The following VAV3 variants were observed in gnomAD, a reference collection of about 807,000 sequenced individuals.
VAV3 encodes the protein vav guanine nucleotide exchange factor 3.
Under a neutral mutation model 131.2 loss-of-function variants are expected in VAV3, and 94 were observed. The ratio of observed to expected loss-of-function variants is 0.72; its 90% CI spans 0.61 to 0.85. The LOEUF (loss-of-function observed/expected upper bound fraction) is 0.85, where lower values mean the gene tolerates loss of function less well. Ranked by LOEUF, VAV3 falls within the 40% of genes least tolerant of loss-of-function variation. The pLI, the probability that VAV3 is intolerant of heterozygous loss-of-function variation, is 0.00. For missense variants in VAV3, 939 were observed against 1,002.7 expected, an observed-to-expected ratio of 0.94 and a Z score of 0.86; for synonymous variants, 349 against 342.0, an observed-to-expected ratio of 1.02 and a Z score of -0.22.
rs1456327538 is a variant in VAV3, at chr1:107,571,390, G to A, written c.*1941C>T. 1 of 152,540 alleles carries A rather than the reference G, an allele frequency of 6.6e-6. No individual in the cohort carries two copies. Among genetic ancestry groups the A allele is most frequent in the Non-Finnish European group, 1.5e-5 (1 of 68,022 alleles). 9.4% of individuals were successfully genotyped at this position (152,540 alleles called of 1,614,324 possible). A position where few individuals can be genotyped will look rare whatever the true frequency, so the allele number is the denominator to read the frequency against. ...GATGTAATTGGTAATGTCACAAAAAGGGGCTCCAATATCCTCTGCTAGGAA... is the reference window on the plus strand; with the variant it reads ...GATGTAATTGGTAATGTCACAAAAAAGGGCTCCAATATCCTCTGCTAGGAA... On this transcript the variant is annotated 3_prime_UTR_variant, in exon 27 of 27. Coordinates refer to ENST00000370056, the MANE Select transcript of VAV3 (RefSeq NM_006113.5).
rs559141881 is a variant in VAV3 at position 107,964,908 on chromosome 1, G to A, written c.-39C>T. 4 of 1,288,198 alleles carry A rather than the reference G, an allele frequency of 3.1e-6. No individual in the cohort carries two copies. Among genetic ancestry groups the A allele is most frequent in the Admixed American group, 7.7e-5 (2 of 26,020 alleles). 79.8% of individuals were successfully genotyped at this position (1,288,198 alleles called of 1,614,324 possible). ...GGGACGCGGCTGGGCCGGGGCGGGC[G>A]GCAAGGATGCGGCCGCCGCCGCCGC... is the stretch of plus-strand genomic sequence containing the variant. On this transcript the variant is annotated 5_prime_UTR_variant, in exon 1 of 27. Coordinates refer to ENST00000370056, the MANE Select transcript of VAV3 (RefSeq NM_006113.5).
At chr1:107,895,784 TTAG>T (rs1671541470) in intron 1 of VAV3, among the ~76,000 whole-genome samples, 4 of 152,282 alleles carry the variant, frequency 2.6e-5, no homozygotes, top group South Asian at 2.1e-4. Flanking sequence ...CAAAAATGAA[TTAG>T]TTATAAATTT....
intron 18 of VAV3, among the ~76,000 whole-genome samples, chr1:107,687,175 A>C (rs1475579472): frequency 3.3e-5 from 5 of 152,148 alleles, no homozygotes; most frequent in Non-Finnish European, 7.4e-5. Context: ...CTATTAAAAA[A>C]ATCACCTTGT....
At chr1:107,664,378 T>C (rs1299004459) in intron 19 of VAV3, among the ~76,000 whole-genome samples, 2 of 152,052 alleles carry the variant, frequency 1.3e-5, no homozygotes, top group African/African-American at 4.8e-5. Context: ...CAGTGTGTGT[T>C]GTTCCTCGCC....
intron 15 of VAV3, among the ~76,000 whole-genome samples, chr1:107,740,214 G>T (rs946259804): frequency 2.0e-5 from 3 of 151,908 alleles, no homozygotes; most frequent in African/African-American, 7.3e-5. Flanking sequence ...TTGAACCCAG[G>T]AGGTGGAGGT....
chr1:107,629,209 C>G (rs1199806996), intron 20 of VAV3, among the ~76,000 whole-genome samples: 1 of 152,132 alleles, frequency 6.6e-6, no homozygotes, highest in Non-Finnish European at 1.5e-5. Flanking sequence ...AAGAAGAAAA[C>G]ACATATTTCT....
intron 7 of VAV3, among the ~76,000 whole-genome samples, chr1:107,767,097 T>A (rs950287649): frequency 3.3e-5 from 5 of 152,230 alleles, no homozygotes; most frequent in Admixed American, 2.0e-4. Context: ...TGTAAATTTG[T>A]ACTTTGGTCA....
At chr1:107,958,047 A>G (rs1049940188) in intron 1 of VAV3, among the ~76,000 whole-genome samples, 1 of 152,200 alleles carries the variant, frequency 6.6e-6, no homozygotes, top group Admixed American at 6.5e-5. Flanking sequence ...TAAGATGCCT[A>G]AAGATGCCAC....
intron 17 of VAV3, among the ~76,000 whole-genome samples, chr1:107,691,212 AAACCCAACTGC>A (rs1387155241): frequency 6.6e-6 from 1 of 152,216 alleles, no homozygotes; most frequent in Admixed American, 6.5e-5. Context: ...AGAGAAAGGA[AAACCCAACTGC>A]AACACTGAAA....
intron 2 of VAV3, among the ~76,000 whole-genome samples, chr1:107,790,306 G>T (rs1157207485): frequency 1.3e-5 from 2 of 152,170 alleles, no homozygotes; most frequent in African/African-American, 4.8e-5. Flanking sequence ...CAACCCAATG[G>T]TCACCCACCT....
chr1:107,753,523 T>C lies in VAV3; in HGVS notation c.1173+1904A>G, dbSNP rs796668725. On this transcript the variant is annotated intron_variant, in intron 12 of 26. Transcript: ENST00000370056. ...ACATATATATACACACATATATATA[T>C]ATACGTATATATATATATATATATA... Among the ~76,000 whole-genome samples, 222 of 69,168 alleles carry C rather than the reference T, an allele frequency of 3.2e-3. 3 individuals are homozygous for C. Among genetic ancestry groups the C allele is most frequent in the African/African-American group, 0.011 (203 of 18,940 alleles). 45.4% of individuals were successfully genotyped at this position (69,168 alleles called of 152,430 possible).
intron 2 of VAV3, among the ~76,000 whole-genome samples, chr1:107,874,442 T>C (rs1670392603): frequency 1.3e-5 from 2 of 152,112 alleles, no homozygotes; most frequent in East Asian, 3.9e-4. Flanking sequence ...AGTATCAAAA[T>C]AGAGAAAAGG....
intron 9 of VAV3, among the ~76,000 whole-genome samples, chr1:107,763,507 T>C (rs1299941345): frequency 6.6e-6 from 1 of 152,218 alleles, no homozygotes; most frequent in South Asian, 2.1e-4. Flanking sequence ...TACTAGGAAG[T>C]AGGTGTATAA....
chr1:107,943,429 C>T (rs1003554532), intron 1 of VAV3, among the ~76,000 whole-genome samples: 10 of 152,168 alleles, frequency 6.6e-5, no homozygotes, highest in African/African-American at 2.4e-4. Context: ...TTATCATTTC[C>T]TTGGCTTGTC....
intron 4 of VAV3, 117 bp from the exon 5 acceptor site, chr1:107,772,960 G>A (rs1665138712): frequency 1.2e-6 from 1 of 847,442 alleles, no homozygotes; most frequent in Admixed American, 2.7e-5. Flanking sequence ...GGAATTAGTG[G>A]AAAGAGTTCA....
chr1:107,740,480 C>T (rs1341131273), intron 15 of VAV3, among the ~76,000 whole-genome samples: 1 of 151,826 alleles, frequency 6.6e-6, no homozygotes, highest in East Asian at 1.9e-4. Context: ...TTCAATTAGA[C>T]AGTAAAATAA....
chr1:107,649,505 C>G (rs1351301004), intron 19 of VAV3, among the ~76,000 whole-genome samples: 1 of 152,048 alleles, frequency 6.6e-6, no homozygotes, highest in Non-Finnish European at 1.5e-5. Context: ...CTCCTGTACT[C>G]TTCCCTTCTT....
chr1:107,705,153 C>T (rs1158589527), intron 15 of VAV3, 92 bp from the exon 16 acceptor site: 1 of 1,010,446 alleles, frequency 9.9e-7, no homozygotes, highest in African/African-American at 1.6e-5. Context: ...AAAATGACAT[C>T]AGGTAGAGAT....
At chr1:107,958,162 T>C (rs1674907927) in intron 1 of VAV3, among the ~76,000 whole-genome samples, 1 of 152,246 alleles carries the variant, frequency 6.6e-6, no homozygotes, top group Non-Finnish European at 1.5e-5. Flanking sequence ...TAATGACTTC[T>C]GAGAAGACTA....
Sources: gnomAD v4.1 joint callset for allele counts (sites outside exome capture counted in the v4.1 genomes callset) on GRCh38, gnomAD v4.1.1 for gene constraint, MANE v1.5 for transcripts, NCBI Gene and HGNC (gene_info 2026-07-23, HGNC 2026-07-21) for gene names.